DNAJC21: variants seen among roughly 807,000 people sequenced by gnomAD.
DNAJC21 encodes the protein dnaJ homolog subfamily C member 21.
A neutral mutation model predicts 72.4 loss-of-function variants in DNAJC21; 63 were observed. The observed-to-expected ratio is 0.87, with a 90% CI of 0.71 to 1.07. The LOEUF (loss-of-function observed/expected upper bound fraction) is 1.07, where lower values mean the gene tolerates loss of function less well. Ranked by LOEUF, DNAJC21 falls within the 50% of genes least tolerant of loss-of-function variation. The pLI, the probability that DNAJC21 is intolerant of heterozygous loss-of-function variation, is 0.00. For missense variants in DNAJC21, 634 were observed against 644.8 expected (o/e 0.98, Z 0.18); for synonymous variants, 203 against 216.7 (o/e 0.94, Z 0.56).
chr5:34,929,582 C>CCGCCCCCGCCG lies in DNAJC21; in HGVS notation c.-234_-224dup, dbSNP rs1313096998. The CCGCCCCCGCCG allele has an allele frequency of 2.0e-5, 3 of 152,848 alleles. No homozygotes were observed. The highest frequency in any genetic ancestry group is 3.5e-4 in the South Asian group (2 of 5,644). The allele number at this position is 152,848 out of a possible 1,614,324, so 9.5% of individuals were successfully genotyped here. A position where few individuals can be genotyped will look rare whatever the true frequency, so the allele number is the denominator to read the frequency against. On this transcript the variant is annotated 5_prime_UTR_variant, in exon 1 of 12. Coordinates refer to ENST00000648817, the MANE Select transcript of DNAJC21 (RefSeq NM_001012339.3). Reference sequence around the variant, plus strand: ...CCATGCGAAGCGGCGGCCGCCGGCACCGCCCCCGCCGCGCTCCCGCTTGCC... The same window carrying CCGCCCCCGCCG: ...CCATGCGAAGCGGCGGCCGCCGGCACCGCCCCCGCCGCGCCCCCGCCGCGCTCCCGCTTGCC...
chr5:34,937,561 A>T lies in DNAJC21; in HGVS notation c.674A>T (p.Glu225Val). The T allele has an allele frequency of 6.2e-7, 1 of 1,613,994 alleles. No homozygotes were observed. Among genetic ancestry groups the T allele is most frequent in the South Asian group, 1.1e-5 (1 of 91,074 alleles). ...KRVQAHRKLV[E>V]EQNAEKARKA... ...GTGCAGGCGCATCGAAAACTTGTGGAAGAACAGAATGCAGAGAAGGCGAGG... is the reference window on the plus strand; with the variant it reads ...GTGCAGGCGCATCGAAAACTTGTGGTAGAACAGAATGCAGAGAAGGCGAGG... Residue 225 changes from glutamate to valine, a missense_variant, in exon 5 of 12, where the codon GAA becomes GTA. Physicochemically the swap from Glu to Val is moderately radical, Grantham distance 121. Coordinates refer to ENST00000648817, the MANE Select transcript of DNAJC21 (RefSeq NM_001012339.3).
chr5:34,945,692 C>CTTT, intron 8 of DNAJC21, 69 bp from the exon 9 acceptor site: 28 of 1,031,134 alleles, frequency 2.7e-5, no homozygotes, highest in South Asian at 7.4e-5. Context: ...AGTGTTTCAA[C>CTTT]TTTTTTTTTT....
chr5:34,941,822 C>T (rs555734216), intron 7 of DNAJC21, among the ~76,000 whole-genome samples: 26 of 152,064 alleles, frequency 1.7e-4, no homozygotes, highest in African/African-American at 6.0e-4. Flanking sequence ...CCACCTCGGC[C>T]TCCCAAAGTG....
At chr5:34,951,695 T>G in intron 10 of DNAJC21, 1 of 797,460 alleles carries the variant, frequency 1.3e-6, no homozygotes, top group Non-Finnish European at 1.5e-6. Context: ...GCCTGGCTAT[T>G]TTTCTGTATT....
rs1207578748 is a variant in DNAJC21 at position 34,941,139 on chromosome 5, C to A, written c.939C>A (p.Asp313Glu). The change falls in exon 7 of 12, where the codon GAC becomes GAA. Residue 313 changes from aspartate to glutamate, a missense_variant. Coordinates refer to ENST00000648817, the MANE Select transcript of DNAJC21 (RefSeq NM_001012339.3). ...CCGAGGACGCTGAGCTCTATGATGA[C>A]CTTTACTGCCCAGCATGTGACAAAT... ...DEAEDAELYD[D>E]LYCPACDKSF... The A allele has an allele frequency of 6.2e-7, 1 of 1,613,996 alleles. No homozygotes were observed. Among genetic ancestry groups the A allele is most frequent in the East Asian group, 2.2e-5 (1 of 44,906 alleles).
At chr5:34,939,139 T>TA in intron 6 of DNAJC21, 130 bp downstream of exon 6, 2 of 837,174 alleles carry the variant, frequency 2.4e-6, no homozygotes, top group Non-Finnish European at 3.6e-6. Context: ...GGGCCAAAGG[T>TA]AGTCGGCTGA....
At chr5:34,944,361 G>A (rs1765100859) in intron 7 of DNAJC21, among the ~76,000 whole-genome samples, 1 of 152,144 alleles carries the variant, frequency 6.6e-6, no homozygotes, top group South Asian at 2.1e-4. Context: ...CTAGTCCAGG[G>A]GGCTCTTCCT....
chr5:34,940,082 G>A (rs1025286995), intron 6 of DNAJC21, among the ~76,000 whole-genome samples: 9 of 152,058 alleles, frequency 5.9e-5, no homozygotes, highest in Admixed American at 3.3e-4. Flanking sequence ...TCACTGGATC[G>A]TCACACAATC....
At chr5:34,934,631 T>A (rs534982969) in intron 2 of DNAJC21, among the ~76,000 whole-genome samples, 1 of 152,310 alleles carries the variant, frequency 6.6e-6, no homozygotes, top group South Asian at 2.1e-4. Flanking sequence ...CTAATGATGG[T>A]GTGATCATTT....
intron 10 of DNAJC21, chr5:34,951,901 A>C: frequency 8.1e-6 from 8 of 985,506 alleles, no homozygotes; most frequent in Non-Finnish European, 8.4e-6. Context: ...GATATAGTTC[A>C]GCTCTCTAAT....
intron 9 of DNAJC21, among the ~76,000 whole-genome samples, chr5:34,948,227 T>C (rs1034276541): frequency 1.3e-5 from 2 of 152,160 alleles, no homozygotes; most frequent in Non-Finnish European, 1.5e-5. Flanking sequence ...CAGTGTGCAT[T>C]GTGAGGACCT....
intron 2 of DNAJC21, among the ~76,000 whole-genome samples, chr5:34,934,441 G>A (rs979268312): frequency 6.6e-6 from 1 of 151,252 alleles, no homozygotes; most frequent in Non-Finnish European, 1.5e-5. Context: ...ATGTTGGCCA[G>A]GCTGGTCTCA....
At chr5:34,944,020 G>A (rs1451335651) in intron 7 of DNAJC21, among the ~76,000 whole-genome samples, 2 of 152,132 alleles carry the variant, frequency 1.3e-5, no homozygotes, top group Non-Finnish European at 2.9e-5. Flanking sequence ...TAGTAGGAAA[G>A]AAAAACAGCA....
intron 2 of DNAJC21, among the ~76,000 whole-genome samples, chr5:34,934,386 A>C (rs1189849016): frequency 6.7e-6 from 1 of 150,296 alleles, no homozygotes; most frequent in African/African-American, 2.4e-5. Context: ...GTGCCACCAC[A>C]CACCTGTATT....
At chr5:34,937,297 A>T (rs759034265) in intron 4 of DNAJC21, 29 bp from the exon 5 acceptor site, 2 of 1,564,360 alleles carry the variant, frequency 1.3e-6, no homozygotes, top group Non-Finnish European at 1.7e-6. Flanking sequence ...CTTAAAGCGC[A>T]GAAGTTAATC....
chr5:34,955,635 G>A lies in DNAJC21; in HGVS notation c.*921G>A, dbSNP rs1424238301. ...ATGCTTATACATCTATTCTATAACA[G>A]TGATGAATATTAACACAAAGGAAAT... On this transcript the variant is annotated 3_prime_UTR_variant, in exon 12 of 12. Transcript: ENST00000648817. The A allele has an allele frequency of 1.3e-5, 2 of 151,962 alleles. No homozygotes were observed. Among genetic ancestry groups the A allele is most frequent in the Non-Finnish European group, 2.9e-5 (2 of 68,028 alleles). 9.4% of individuals were successfully genotyped at this position (151,962 alleles called of 1,614,324 possible).
chr5:34,934,703 C>T (rs1046899325), intron 2 of DNAJC21, among the ~76,000 whole-genome samples: 1 of 152,116 alleles, frequency 6.6e-6, no homozygotes, highest in African/African-American at 2.4e-5. Flanking sequence ...TCTCAATTAA[C>T]TTTTTGCTAC....
intron 1 of DNAJC21, chr5:34,930,198 C>G (rs911324715): frequency 4.9e-5 from 11 of 224,810 alleles, no homozygotes; most frequent in Non-Finnish European, 7.0e-5. Flanking sequence ...ACCTCACTTG[C>G]TCCCGCTACC....
At chr5:34,931,351 G>A (rs958875633) in intron 1 of DNAJC21, among the ~76,000 whole-genome samples, 2 of 152,298 alleles carry the variant, frequency 1.3e-5, no homozygotes, top group Admixed American at 6.5e-5. Context: ...TAAAAATAGT[G>A]TAGAAGTATA....
Sources: allele counts gnomAD v4.1 joint callset (sites outside exome capture counted in the v4.1 genomes callset), GRCh38; gene constraint gnomAD v4.1.1; transcripts MANE v1.5; gene names NCBI Gene and HGNC (gene_info 2026-07-23, HGNC 2026-07-21).